The following ZBED4 variants were observed in gnomAD, a reference collection of about 807,000 sequenced individuals.
The protein encoded by ZBED4 is zinc finger BED domain-containing protein 4.
Under a neutral mutation model 15.5 loss-of-function variants are expected in ZBED4, and 4 were observed. That is an observed-to-expected ratio of 0.26 (90% CI 0.13 to 0.59). ZBED4 has a LOEUF of 0.59. ZBED4 is among the 20% of genes least tolerant of loss of function. The pLI is 0.90. For missense variants in ZBED4, 1,323 were observed against 1,461.8 expected (o/e 0.91, Z 1.55); for synonymous variants, 692 against 608.5 (o/e 1.14, Z -2.02).
intron 1 of ZBED4, among the ~76,000 whole-genome samples, chr22:49,857,125 C>G (rs2060278092): frequency 6.6e-6 from 1 of 152,220 alleles, no homozygotes; most frequent in Admixed American, 6.5e-5. Flanking sequence ...TCGAGGCCCA[C>G]CTGGTGGTCT....
intron 1 of ZBED4, among the ~76,000 whole-genome samples, chr22:49,872,619 T>A (rs1000129127): frequency 2.6e-5 from 4 of 152,164 alleles, no homozygotes; most frequent in Admixed American, 2.6e-4. Context: ...AGTCTCAACC[T>A]CTTGGTCTCA....
At position 49,885,987 on chromosome 22, in the gene ZBED4, G is replaced by C; in HGVS notation, c.2325G>C (p.Val775=). ...CGGCGCTGTTGGACGTGTCGCAGGT[G>C]GACTGCGACTACAGTGGCAACAGCA... ...HCSALLDVSQ[V]DCDYSGNSIQ... is the part of the protein sequence containing the mutation. Residue 775 remains valine, a synonymous_variant, in exon 2 of 2, where the codon GTG becomes GTC. Transcript: ENST00000216268. 1 of 696,394 alleles carries C rather than the reference G, an allele frequency of 1.4e-6. No homozygotes were observed. Among genetic ancestry groups the C allele is most frequent in the Non-Finnish European group, 2.6e-6 (1 of 380,832 alleles). 43.1% of individuals were successfully genotyped at this position (696,394 alleles called of 1,614,324 possible).
At chr22:49,879,640 C>T (rs901285145) in intron 1 of ZBED4, among the ~76,000 whole-genome samples, 3 of 124,094 alleles carry the variant, frequency 2.4e-5, no homozygotes, top group African/African-American at 8.3e-5. Context: ...AGTGTCTGGG[C>T]GTGTTTCTAT....
At chr22:49,875,941 TTTC>T (rs1038966975) in intron 1 of ZBED4, among the ~76,000 whole-genome samples, 1 of 77,902 alleles carries the variant, frequency 1.3e-5, no homozygotes, top group Non-Finnish European at 4.1e-5. Flanking sequence ...ATTGATTTTT[TTTC>T]TTTTTTTTTT....
intron 1 of ZBED4, among the ~76,000 whole-genome samples, chr22:49,857,772 T>G (rs1307940059): frequency 6.6e-6 from 1 of 152,206 alleles, no homozygotes; most frequent in Non-Finnish European, 1.5e-5. Flanking sequence ...TTGTTTGTTT[T>G]TTGAGATGGA....
At chr22:49,880,417 C>G (rs946297470) in intron 1 of ZBED4, among the ~76,000 whole-genome samples, 1 of 152,204 alleles carries the variant, frequency 6.6e-6, no homozygotes, top group Non-Finnish European at 1.5e-5. Flanking sequence ...GGGACATGCT[C>G]GAGACCACCG....
At position 49,883,873 on chromosome 22, in the gene ZBED4, C is replaced by G; in HGVS notation, c.211C>G (p.Pro71Ala). 6.2e-7 allele frequency: 1 copy of G among 1,606,274 alleles called. No homozygotes were observed. The highest frequency in any genetic ancestry group is 1.1e-5 in the South Asian group (1 of 90,832). Residue 71 changes from proline to alanine, a missense_variant, in exon 2 of 2, where the codon CCG becomes GCG. By Grantham distance (27) the Pro-to-Ala change is conservative (BLOSUM62 -1). Around this residue, in one of 6 missense-constraint regions of ZBED4, gnomAD observed 380 missense variants for 413.7 expected, o/e 0.92. Transcript: ENST00000216268. The part of the protein sequence containing the change: ...LGGTGCSCKP[P>A]GKYLSAESED... ...TGGGACGGGTTGCAGCTGCAAGCCCCCGGGGAAGTACTTGTCTGCAGAGAG... is the reference window on the plus strand; with the variant it reads ...TGGGACGGGTTGCAGCTGCAAGCCCGCGGGGAAGTACTTGTCTGCAGAGAG...
intron 1 of ZBED4, among the ~76,000 whole-genome samples, chr22:49,874,230 T>C (rs543064714): frequency 1.3e-5 from 2 of 152,332 alleles, no homozygotes; most frequent in African/African-American, 4.8e-5. Flanking sequence ...AGCTGCACTG[T>C]TTCCCGGATG....
rs138332752 is a variant in ZBED4, at chr22:49,884,709, G to A, written c.1047G>A (p.Pro349=). The change falls in exon 2 of 2, where the codon CCG becomes CCA. Residue 349 remains proline, a synonymous_variant. Transcript: ENST00000216268. ...VLQENGGTGI[P]PLYSTPPTLL... Reference sequence around the variant, plus strand: ...AGGAGAACGGGGGCACGGGCATCCCGCCACTGTACTCCACCCCTCCCACTC... The same window carrying A: ...AGGAGAACGGGGGCACGGGCATCCCACCACTGTACTCCACCCCTCCCACTC... The A allele has an allele frequency of 1.4e-5, 22 of 1,598,032 alleles. No individual in the cohort carries two copies. In the African/African-American group the frequency reaches 1.5e-4, roughly 11 times the overall value.
chr22:49,866,635 A>T (rs1229453425), intron 1 of ZBED4, among the ~76,000 whole-genome samples: 1 of 152,126 alleles, frequency 6.6e-6, no homozygotes, highest in African/African-American at 2.4e-5. Flanking sequence ...TTTTCATTTA[A>T]TCTGAGGTCA....
intron 1 of ZBED4, among the ~76,000 whole-genome samples, chr22:49,875,660 AC>A (rs2060372760): frequency 6.6e-6 from 1 of 152,008 alleles, no homozygotes; most frequent in Admixed American, 6.6e-5. Context: ...ACCTCAAGTG[AC>A]CTACCTGTCT....
chr22:49,856,338 G>C (rs937205111), intron 1 of ZBED4, among the ~76,000 whole-genome samples: 3 of 152,224 alleles, frequency 2.0e-5, no homozygotes, highest in Non-Finnish European at 4.4e-5. Context: ...CAGAGAAAAA[G>C]GCTCAGTAAG....
At chr22:49,855,965 G>T (rs1388075022) in intron 1 of ZBED4, among the ~76,000 whole-genome samples, 5 of 152,236 alleles carry the variant, frequency 3.3e-5, no homozygotes, top group African/African-American at 1.2e-4. Flanking sequence ...TAGCGGTTTG[G>T]TTTTGGCTTT....
intron 1 of ZBED4, among the ~76,000 whole-genome samples, chr22:49,878,071 G>A (rs1017911798): frequency 1.2e-4 from 18 of 152,144 alleles, no homozygotes; most frequent in Middle Eastern, 3.4e-3. Flanking sequence ...TTGGGAGGCC[G>A]AGATGGGCGG....
Position 49,886,523 on chromosome 22 carries a change from T to C in ZBED4, c.2861T>C (p.Leu954Pro). 6.4e-7 allele frequency: 1 copy of C among 1,568,602 alleles called. No individual in the cohort carries two copies. Among genetic ancestry groups the C allele is most frequent in the Non-Finnish European group, 8.6e-7 (1 of 1,156,658 alleles). Residue 954 changes from leucine to proline, a missense_variant, in exon 2 of 2, where the codon CTC becomes CCC. Leu to Pro is a moderately conservative substitution (Grantham distance 98). This residue lies in a region of ZBED4 where 312 missense variants were observed against 410.7 expected (regional missense o/e 0.76). Coordinates refer to ENST00000216268, the MANE Select transcript of ZBED4 (RefSeq NM_014838.3). This position sits in a 1 kb window ranked among gnomAD's most constrained non-coding sequence, Gnocchi z 7.7. ...GAGATGAGCACGCAGATGTCCACCC[T>C]CAGCCAGGTCATCCCCATGGTACAC... is the stretch of plus-strand genomic sequence containing the variant. Reference protein sequence around the residue: ...SREMSTQMSTLSQVIPMVHIL... With the variant: ...SREMSTQMSTPSQVIPMVHIL...
intron 1 of ZBED4, among the ~76,000 whole-genome samples, chr22:49,878,916 G>A (rs570098013): frequency 4.6e-5 from 7 of 151,836 alleles, no homozygotes; most frequent in Non-Finnish European, 1.0e-4. Context: ...AGGCCGAGGC[G>A]GGCAGATCAC....
Position 49,884,677 on chromosome 22 carries a change from G to A in ZBED4, c.1015G>A (p.Val339Met), listed in dbSNP as rs201630531. The A allele has an allele frequency of 7.0e-5, 113 of 1,607,902 alleles. No homozygotes were observed. Among genetic ancestry groups the A allele is most frequent in the Non-Finnish European group, 8.6e-5 (101 of 1,176,546 alleles). Residue 339 changes from valine to methionine, a missense_variant, in exon 2 of 2, where the codon GTG becomes ATG. By Grantham distance (21) the Val-to-Met change is conservative. Coordinates refer to ENST00000216268, the MANE Select transcript of ZBED4 (RefSeq NM_014838.3). ...RHMWRAHRAI[V>M]LQENGGTGIP... is the part of the protein sequence containing the mutation. ...CATGTGGAGGGCACACCGCGCCATCGTGTTGCAGGAGAACGGGGGCACGGG... is the reference window on the plus strand; with the variant it reads ...CATGTGGAGGGCACACCGCGCCATCATGTTGCAGGAGAACGGGGGCACGGG...
rs533342633 is a variant in ZBED4, at chr22:49,883,445, G to C, written c.-218G>C. The C allele has an allele frequency of 7.5e-6, 4 of 536,556 alleles. No individual in the cohort carries two copies. Among genetic ancestry groups the C allele is most frequent in the Non-Finnish European group, 1.2e-5 (4 of 330,820 alleles). The allele number at this position is 536,556 out of a possible 1,614,324, so 33.2% of individuals were successfully genotyped here. On this transcript the variant is annotated 5_prime_UTR_variant, in exon 2 of 2. The change abolishes the stop of an existing upstream ORF in the 5' untranslated region. Transcript: ENST00000216268. ...TTGTTGTCTACACCATGAGTGTTTA[G>C]TAGCAGGACTCTTGGAAAGCAGTGA...
rs776815347 is a variant in ZBED4 at position 49,885,211 on chromosome 22, G to C, written c.1549G>C (p.Gly517Arg). 6.2e-7 allele frequency: 1 copy of C among 1,613,528 alleles called. No homozygotes were observed. The highest frequency in any genetic ancestry group is 1.1e-5 in the South Asian group (1 of 91,054). ...TGTCGGGAGCCAGAAGGGCTTCCTGGGTGCAAGTCTGGCAAACTCTCCGTA... is the reference window on the plus strand; with the variant it reads ...TGTCGGGAGCCAGAAGGGCTTCCTGCGTGCAAGTCTGGCAAACTCTCCGTA... ...EVVGSQKGFL[G>R]ASLANSPYAT... Residue 517 changes from glycine to arginine, a missense_variant, in exon 2 of 2, where the codon GGT (glycine) becomes CGT (arginine). Transcript: ENST00000216268.
Sources: allele counts gnomAD v4.1 joint callset (sites outside exome capture counted in the v4.1 genomes callset), GRCh38; gene constraint gnomAD v4.1.1; regional missense constraint gnomAD v4.1.1; non-coding constraint Gnocchi (gnomAD v3.1); transcripts MANE v1.5; gene names NCBI Gene and HGNC (gene_info 2026-07-23, HGNC 2026-07-21).